The following GPC6 variants were observed in gnomAD, a reference collection of about 807,000 sequenced individuals.
GPC6 encodes the protein glypican-6.
In GPC6, 14 loss-of-function variants were observed where a neutral mutation model predicts 55.2. That is an observed-to-expected ratio of 0.25 (90% CI 0.17 to 0.40). GPC6 has a LOEUF of 0.40. GPC6 is among the 10% of genes least tolerant of loss of function. The pLI is 1.00. For missense variants in GPC6, 641 were observed against 708.5 expected, an observed-to-expected ratio of 0.90 and a Z score of 1.08; for synonymous variants, 278 against 259.6, an observed-to-expected ratio of 1.07 and a Z score of -0.68.
intron 4 of GPC6, among the ~76,000 whole-genome samples, chr13:94,242,384 C>G (rs1157059033): frequency 1.3e-5 from 2 of 151,982 alleles, no homozygotes. Flanking sequence ...CCCAGCCATC[C>G]CAGTACTGAG....
intron 3 of GPC6, among the ~76,000 whole-genome samples, chr13:93,896,608 C>T (rs74111039): frequency 0.037 from 5,651 of 152,044 alleles, 287 homozygotes; most frequent in East Asian, 0.17. Context: ...AGCAGGATAA[C>T]GATTACCTAT....
At chr13:93,377,737 A>G (rs1156786909) in intron 1 of GPC6, among the ~76,000 whole-genome samples, 1 of 152,150 alleles carries the variant, frequency 6.6e-6, no homozygotes, top group Non-Finnish European at 1.5e-5. Flanking sequence ...TTATGATCTT[A>G]CCACCAATCT....
chr13:93,464,004 A>T (rs536171696), intron 1 of GPC6, among the ~76,000 whole-genome samples: 2 of 148,334 alleles, frequency 1.3e-5, no homozygotes, highest in African/African-American at 4.9e-5. Flanking sequence ...AGTCACACAA[A>T]TGTTTTAGTT....
At chr13:93,505,031 GT>G (rs1313917087) in intron 1 of GPC6, among the ~76,000 whole-genome samples, 8 of 152,150 alleles carry the variant, frequency 5.3e-5, no homozygotes, top group Admixed American at 1.3e-4. Flanking sequence ...AATATGTTGT[GT>G]TGCTGTAGTT....
intron 3 of GPC6, among the ~76,000 whole-genome samples, chr13:93,906,681 G>A (rs1466626305): frequency 6.6e-6 from 1 of 152,158 alleles, no homozygotes; most frequent in Middle Eastern, 3.2e-3. Flanking sequence ...GAGAGGAGGT[G>A]TATTCAAATG....
chr13:94,032,501 C>T (rs1471414942), intron 4 of GPC6, among the ~76,000 whole-genome samples: 1 of 152,186 alleles, frequency 6.6e-6, no homozygotes, highest in Non-Finnish European at 1.5e-5. Flanking sequence ...CAGTTTGTTT[C>T]CCGTATCACT....
At chr13:93,404,074 G>C (rs575144824) in intron 1 of GPC6, among the ~76,000 whole-genome samples, 4 of 152,074 alleles carry the variant, frequency 2.6e-5, no homozygotes, top group Non-Finnish European at 5.9e-5. Flanking sequence ...ATTGTTTCCT[G>C]TTACCTCAAA....
rs574541262 is a variant in GPC6, at chr13:94,015,641, G to A, written c.712-12088G>A. Among the ~76,000 whole-genome samples, 242 of 152,102 alleles carry A rather than the reference G, an allele frequency of 1.6e-3. 1 individual carries two copies. The highest frequency in any genetic ancestry group is 5.6e-3 in the African/African-American group (233 of 41,496). On this transcript the variant is annotated intron_variant, in intron 3 of 8. Coordinates refer to ENST00000377047, the MANE Select transcript of GPC6 (RefSeq NM_005708.5). ...TTCTTTCATTTGCTCTTATATTTAG[G>A]TCATAGATCCATTTAGAGTTAGTTT...
At chr13:93,646,190 A>C (rs1402970069) in intron 2 of GPC6, among the ~76,000 whole-genome samples, 1 of 152,192 alleles carries the variant, frequency 6.6e-6, no homozygotes, top group Non-Finnish European at 1.5e-5. Flanking sequence ...ATATGACCAA[A>C]TAAAATAACT....
At chr13:93,515,559 T>G (rs1481809395) in intron 1 of GPC6, among the ~76,000 whole-genome samples, 1 of 152,196 alleles carries the variant, frequency 6.6e-6, no homozygotes, top group African/African-American at 2.4e-5. Context: ...AGCCTTATGT[T>G]TCTTCAATTG....
chr13:93,298,711 G>A (rs1211888310), intron 1 of GPC6, among the ~76,000 whole-genome samples: 1 of 151,770 alleles, frequency 6.6e-6, no homozygotes, highest in Non-Finnish European at 1.5e-5. Flanking sequence ...GCCTCCCAAA[G>A]TGCTGGGATT....
intron 6 of GPC6, among the ~76,000 whole-genome samples, chr13:94,321,692 T>C (rs1479450368): frequency 1.3e-5 from 2 of 152,184 alleles, no homozygotes; most frequent in Non-Finnish European, 2.9e-5. Flanking sequence ...GGCCATGTGG[T>C]AGTTGGTACT....
At chr13:94,158,828 T>C (rs1225925811) in intron 4 of GPC6, among the ~76,000 whole-genome samples, 2 of 152,158 alleles carry the variant, frequency 1.3e-5, no homozygotes, top group South Asian at 2.1e-4. Flanking sequence ...GGCATCTCCA[T>C]TGACATGTGT....
rs187479813 is a variant in GPC6 at position 94,193,941 on chromosome 13, G to T, written c.878-92408G>T. ...TTATCTGCTATGTTTTATGCTGGGG[G>T]TAAGTCTGTAATAGCTGCAGTCATT... On this transcript the variant is annotated intron_variant, in intron 4 of 8. Transcript: ENST00000377047. Among the ~76,000 whole-genome samples the T allele has an allele frequency of 2.8e-4, 43 of 152,252 alleles. 1 individual carries two copies. Among genetic ancestry groups the T allele is most frequent in the African/African-American group, 9.6e-4 (40 of 41,564 alleles).
intron 2 of GPC6, among the ~76,000 whole-genome samples, chr13:93,690,626 T>TAAA: frequency 6.6e-6 from 1 of 152,100 alleles, no homozygotes; most frequent in South Asian, 2.1e-4. Flanking sequence ...AGCCCGACTC[T>TAAA]CAACATGAGA....
Position 93,289,044 on chromosome 13 carries a change from A to T in GPC6, c.160+61428A>T, listed in dbSNP as rs116358888. ...TGTGGGGAAGTCCTCATTTTGGTCT[A>T]AGATGGAAGCAAGAGAAGAGACCAG... On this transcript the variant is annotated intron_variant, in intron 1 of 8. Transcript: ENST00000377047. Among the ~76,000 whole-genome samples, 450 of 152,310 alleles carry T rather than the reference A, an allele frequency of 3.0e-3. 1 individual carries two copies. The highest frequency in any genetic ancestry group is 0.01 in the African/African-American group (436 of 41,576).
intron 4 of GPC6, among the ~76,000 whole-genome samples, chr13:94,231,630 C>T (rs1026684904): frequency 3.3e-5 from 5 of 152,128 alleles, no homozygotes; most frequent in Admixed American, 2.6e-4. Context: ...TTGGGCGAAA[C>T]ATTTTCAGCC....
At chr13:94,313,238 C>T (rs1170036956) in intron 6 of GPC6, among the ~76,000 whole-genome samples, 1 of 152,148 alleles carries the variant, frequency 6.6e-6, no homozygotes, top group African/African-American at 2.4e-5. Context: ...AAGTGGGGAA[C>T]ATCATAAGAC....
intron 2 of GPC6, among the ~76,000 whole-genome samples, chr13:93,824,125 A>G (rs953847295): frequency 1.3e-5 from 2 of 152,220 alleles, no homozygotes; most frequent in African/African-American, 4.8e-5. Flanking sequence ...AATGCAAGTG[A>G]TGTTTAAGAA....
Sources: gnomAD v4.1 joint callset for allele counts (sites outside exome capture counted in the v4.1 genomes callset) on GRCh38, gnomAD v4.1.1 for gene constraint, MANE v1.5 for transcripts, NCBI Gene and HGNC (gene_info 2026-07-23, HGNC 2026-07-21) for gene names.